TENT5D: variants seen among roughly 807,000 people sequenced by gnomAD.
TENT5D encodes cancer/testis antigen 112.
For missense variants in TENT5D, 191 were observed against 287.0 expected (o/e 0.67, Z 2.42); for synonymous variants, 103 against 100.6 (o/e 1.02, Z -0.15).
chrX:80,393,904 G>A (rs982705985), intron 3 of TENT5D, among the ~76,000 whole-genome samples: 3 of 111,649 alleles, frequency 2.7e-5, no homozygotes, highest in Non-Finnish European at 5.6e-5. Context: ...CCATTTCAAG[G>A]CTGAATAATA....
chrX:80,443,670 C>T, exon 3 of TENT5D: 1 of 1,198,392 alleles, frequency 8.3e-7, no homozygotes, highest in Non-Finnish European at 1.1e-6. Context: ...TCCAGCCATA[C>T]CACCCACTGC....
chrX:80,339,674 A>G (rs1228712926), intron 2 of TENT5D, among the ~76,000 whole-genome samples: 5 of 110,682 alleles, frequency 4.5e-5, no homozygotes, highest in African/African-American at 1.6e-4. Flanking sequence ...ACAAATAAAC[A>G]TAAGGAGACA....
chrX:80,398,224 A>C, intron 3 of TENT5D, among the ~76,000 whole-genome samples: 1 of 111,926 alleles, frequency 8.9e-6, no homozygotes, highest in Non-Finnish European at 1.9e-5. Flanking sequence ...TCTATCAAAA[A>C]TGTTTGTTCA....
intron 3 of TENT5D, among the ~76,000 whole-genome samples, chrX:80,382,259 C>G (rs1387506069): frequency 1.8e-5 from 2 of 111,871 alleles, no homozygotes; most frequent in Admixed American, 9.5e-5. Flanking sequence ...CACTCCAGAC[C>G]CTGTTTGCCT....
chrX:80,355,771 TC>T (rs1205851156), intron 3 of TENT5D, among the ~76,000 whole-genome samples: 1 of 112,271 alleles, frequency 8.9e-6, no homozygotes, highest in Admixed American at 9.4e-5. Context: ...GCAACCTCTT[TC>T]TGTCTACTTT....
At chrX:80,397,802 G>C (rs1007471537) in intron 3 of TENT5D, among the ~76,000 whole-genome samples, 1 of 112,236 alleles carries the variant, frequency 8.9e-6, no homozygotes, top group Admixed American at 9.3e-5. Context: ...GGCGGCGCGC[G>C]CCTGCAATCG....
intron 3 of TENT5D, among the ~76,000 whole-genome samples, chrX:80,350,984 A>C (rs1192458514): frequency 1.8e-5 from 2 of 111,596 alleles, no homozygotes; most frequent in African/African-American, 3.3e-5. Flanking sequence ...ATTCTCTTCT[A>C]GTTTGTAGCG....
At chrX:80,406,273 A>T (rs1277986316) in intron 3 of TENT5D, among the ~76,000 whole-genome samples, 3 of 111,762 alleles carry the variant, frequency 2.7e-5, no homozygotes, top group African/African-American at 9.8e-5. Flanking sequence ...GAGCTGAGAG[A>T]AGAAGGCTTC....
chrX:80,362,632 G>A (rs1326044991), intron 3 of TENT5D, among the ~76,000 whole-genome samples: 1 of 109,703 alleles, frequency 9.1e-6, no homozygotes, highest in African/African-American at 3.3e-5. Flanking sequence ...TTTTTTTCCC[G>A]CTTAATTAGT....
chrX:80,348,616 T>A (rs967077457), intron 3 of TENT5D, among the ~76,000 whole-genome samples: 3 of 111,736 alleles, frequency 2.7e-5, no homozygotes, highest in African/African-American at 9.8e-5. Context: ...CCAAGACAAT[T>A]TGACTTCCCC....
At chrX:80,397,971 G>A (rs1486118985) in intron 3 of TENT5D, among the ~76,000 whole-genome samples, 4 of 111,213 alleles carry the variant, frequency 3.6e-5, no homozygotes, top group Non-Finnish European at 7.6e-5. Context: ...GAGAGGGAGA[G>A]GGAGAGGGAG....
intron 3 of TENT5D, among the ~76,000 whole-genome samples, chrX:80,357,685 A>G: frequency 9.0e-6 from 1 of 111,173 alleles, no homozygotes; most frequent in Non-Finnish European, 1.9e-5. Context: ...AGTAGATTGC[A>G]AATCCATGCT....
chrX:80,434,952 T>G (rs1390262508), intron 1 of TENT5D, among the ~76,000 whole-genome samples: 3 of 109,468 alleles, frequency 2.7e-5, no homozygotes, highest in Non-Finnish European at 5.7e-5. Context: ...CCAGCTAATT[T>G]TTTTGTATTT....
chrX:80,396,797 C>G (rs1367175138), intron 3 of TENT5D, among the ~76,000 whole-genome samples: 6 of 100,663 alleles, frequency 6.0e-5, no homozygotes, highest in African/African-American at 2.2e-4. Context: ...GGTACACCTC[C>G]CAGACGGGGT....
At chrX:80,337,931 A>AT (rs1009636955) in intron 2 of TENT5D, among the ~76,000 whole-genome samples, 9 of 110,579 alleles carry the variant, frequency 8.1e-5, no homozygotes, top group Non-Finnish European at 1.7e-4. Flanking sequence ...CACCCGGCTA[A>AT]TTTTTTGTAT....
chrX:80,441,758 G>T (rs1214887574), intron 2 of TENT5D, among the ~76,000 whole-genome samples: 1 of 110,853 alleles, frequency 9.0e-6, no homozygotes, highest in Non-Finnish European at 1.9e-5. Context: ...TTGCAAATCT[G>T]CAGTGAACAT....
intron 3 of TENT5D, among the ~76,000 whole-genome samples, chrX:80,406,072 A>G (rs1340633922): frequency 1.8e-5 from 2 of 109,681 alleles, no homozygotes; most frequent in African/African-American, 6.6e-5. Context: ...ACAAACAGAA[A>G]GGACATCCAC....
intron 3 of TENT5D, among the ~76,000 whole-genome samples, chrX:80,361,351 C>T (rs1036931416): frequency 7.1e-5 from 8 of 111,950 alleles, no homozygotes; most frequent in Non-Finnish European, 1.3e-4. Context: ...GGAGACTTAA[C>T]CCGATATTTC....
At chrX:80,335,716 G>C (rs1388985851) in exon 2 of TENT5D, 1 of 111,555 alleles carries the variant, frequency 9.0e-6, no homozygotes. Context: ...GAAGGAAAAA[G>C]GTATAGGGCT....
Sources: allele counts gnomAD v4.1 joint callset (sites outside exome capture counted in the v4.1 genomes callset), GRCh38; gene constraint gnomAD v4.1.1; transcripts MANE v1.5; gene names NCBI Gene and HGNC (gene_info 2026-07-23, HGNC 2026-07-21).